KIRREL3: variants seen among roughly 807,000 people sequenced by gnomAD.
The protein encoded by KIRREL3 is kin of IRRE-like protein 3.
A neutral mutation model predicts 89.7 loss-of-function variants in KIRREL3; 36 were observed. The ratio of observed to expected loss-of-function variants is 0.40; its 90% CI spans 0.31 to 0.53. The LOEUF is 0.53. Among genes scored for constraint, KIRREL3 ranks in the 20% least tolerant of loss-of-function variants. KIRREL3 has a pLI of 0.49. For synonymous variants in KIRREL3, 445 were observed against 441.4 expected, an observed-to-expected ratio of 1.01 and a Z score of -0.10; for missense variants, 864 against 1,056.6, an observed-to-expected ratio of 0.82 and a Z score of 2.53.
Position 126,906,185 on chromosome 11 carries a change from TC to T in KIRREL3, c.55+94269del, listed in dbSNP as rs1406514655. On this transcript the variant is annotated intron_variant, in intron 1 of 16. Coordinates refer to ENST00000525144, the MANE Select transcript of KIRREL3 (RefSeq NM_032531.4). This position sits in a 1 kb window ranked among gnomAD's most constrained non-coding sequence, Gnocchi z 4.1. ...CTCTTTTCTCTCTGTACACTCCAGCTCCCTGGAAGACTTTCTGACAGCTCCC... is the reference window on the plus strand; with the variant it reads ...CTCTTTTCTCTCTGTACACTCCAGCTCCTGGAAGACTTTCTGACAGCTCCC... 6.6e-6 allele frequency among the ~76,000 whole-genome samples: 1 copy of T among 152,144 alleles called. No individual in the cohort carries two copies. The highest frequency in any genetic ancestry group is 2.4e-5 in the African/African-American group (1 of 41,424).
chr11:126,646,033 C>T lies in KIRREL3; in HGVS notation c.56-83121G>A, dbSNP rs776215665. Reference sequence around the variant, plus strand: ...ATTCTTCATGAGTTACCACCAGAGACGTTTTCATGAGCCTCTTTTATTAAA... The same window carrying T: ...ATTCTTCATGAGTTACCACCAGAGATGTTTTCATGAGCCTCTTTTATTAAA... On this transcript the variant is annotated intron_variant, in intron 1 of 16. Coordinates refer to ENST00000525144, the MANE Select transcript of KIRREL3 (RefSeq NM_032531.4). Among the ~76,000 whole-genome samples the T allele has an allele frequency of 5.9e-5, 9 of 152,148 alleles. No individual in the cohort carries two copies. In the South Asian group the frequency reaches 6.2e-4, roughly 11 times the overall value.
At chr11:126,545,856 C>T (rs1938775410) in intron 2 of KIRREL3, among the ~76,000 whole-genome samples, 1 of 152,170 alleles carries the variant, frequency 6.6e-6, no homozygotes, top group South Asian at 2.1e-4. Context: ...GGCAGGGCCC[C>T]CACTGGCGCT....
At chr11:126,865,608 A>T (rs186099924) in intron 1 of KIRREL3, among the ~76,000 whole-genome samples, 30 of 152,354 alleles carry the variant, frequency 2.0e-4, no homozygotes, top group Non-Finnish European at 1.0e-4. Flanking sequence ...TGATGCTCAC[A>T]AGGAAGAGTT....
rs367963236 is a variant in KIRREL3, at chr11:126,424,687, C to T, written c.2230G>A (p.Asp744Asn). 7 of 1,613,904 alleles carry T rather than the reference C, an allele frequency of 4.3e-6. No individual in the cohort carries two copies. Among genetic ancestry groups the T allele is most frequent in the African/African-American group, 2.7e-5 (2 of 74,936 alleles). The part of the protein sequence containing the change: ...SGKQDGYVQF[D>N]KASKASASSS... ...GAAGCAGAAGCCTTGCTGGCCTTGT[C>T]GAACTGCACATAGCCATCCTGCTTG... The change falls in exon 17 of 17, where the codon GAC (aspartate) becomes AAC (asparagine). Residue 744 changes from aspartate to asparagine, a missense_variant. Asp to Asn is a conservative substitution (Grantham distance 23). Transcript: ENST00000525144.
chr11:126,734,909 T>C lies in KIRREL3; in HGVS notation c.56-171997A>G, dbSNP rs1378480180. ...AATTGTGGCAGGATGGGGTTTGTGG[T>C]TGGAACGGTGCTGTCTTCTGGTCCA... On this transcript the variant is annotated intron_variant, in intron 1 of 16. Coordinates refer to ENST00000525144, the MANE Select transcript of KIRREL3 (RefSeq NM_032531.4). The surrounding 1 kb of genome is among the most constrained non-coding windows in gnomAD (Gnocchi z 5.9). Among the ~76,000 whole-genome samples, 1 of 152,062 alleles carries C rather than the reference T, an allele frequency of 6.6e-6. No homozygotes were observed. Among genetic ancestry groups the C allele is most frequent in the East Asian group, 1.9e-4 (1 of 5,172 alleles).
rs2135153821 is a variant in KIRREL3 at position 126,697,775 on chromosome 11, T to G, written c.56-134863A>C. 6.6e-6 allele frequency among the ~76,000 whole-genome samples: 1 copy of G among 152,312 alleles called. No individual in the cohort carries two copies. Among genetic ancestry groups the G allele is most frequent in the East Asian group, 1.9e-4 (1 of 5,182 alleles). On this transcript the variant is annotated intron_variant, in intron 1 of 16. Transcript: ENST00000525144. This position sits in a 1 kb window ranked among gnomAD's most constrained non-coding sequence, Gnocchi z 4.2. Reference sequence around the variant, plus strand: ...GGGTCCCATGATTGCTCTGATCACCTCCCTATTATTGGATATTAATCAAGT... The same window carrying G: ...GGGTCCCATGATTGCTCTGATCACCGCCCTATTATTGGATATTAATCAAGT...
At chr11:126,790,461 G>T (rs144061583) in intron 1 of KIRREL3, among the ~76,000 whole-genome samples, 1,711 of 152,176 alleles carry the variant, frequency 0.011, 28 homozygotes, top group African/African-American at 0.038. Context: ...TCTATAAAAT[G>T]GGACCAGTAA....
chr11:126,542,468 A>G (rs188513880), intron 2 of KIRREL3, among the ~76,000 whole-genome samples: 34 of 152,304 alleles, frequency 2.2e-4, no homozygotes, highest in African/African-American at 7.5e-4. Context: ...ATGCATTTTG[A>G]TATTCACATT....
chr11:126,839,052 T>G (rs567396599), intron 1 of KIRREL3, among the ~76,000 whole-genome samples: 1 of 152,234 alleles, frequency 6.6e-6, no homozygotes, highest in African/African-American at 2.4e-5. Context: ...TCTGTACGGG[T>G]CAGGGTGAAG....
In KIRREL3 at chr11:126,436,879, G is replaced by A; in HGVS notation, c.1484C>T (p.Thr495Ile). 6.2e-7 allele frequency: 1 copy of A among 1,613,726 alleles called. No individual in the cohort carries two copies. The highest frequency in any genetic ancestry group is 8.5e-7 in the Non-Finnish European group (1 of 1,179,868). The change falls in exon 12 of 17, where the codon ACC becomes ATC. Residue 495 changes from threonine (T) to isoleucine (I), a missense_variant. By Grantham distance (89) the Thr-to-Ile change is moderately conservative (BLOSUM62 -1). Transcript: ENST00000525144. Reference protein sequence around the residue: ...ISNIVRADFQTIYNCTAWNSF... With the variant: ...ISNIVRADFQIIYNCTAWNSF... Reference sequence around the variant, plus strand: ...GTTCCAGGCCGTGCAGTTGTAGATGGTCTGGAAGTCGGCCCGCACGATGTT... The same window carrying A: ...GTTCCAGGCCGTGCAGTTGTAGATGATCTGGAAGTCGGCCCGCACGATGTT...
chr11:126,705,286 A>G lies in KIRREL3; in HGVS notation c.56-142374T>C, dbSNP rs1447353076. On this transcript the variant is annotated intron_variant, in intron 1 of 16. Coordinates refer to ENST00000525144, the MANE Select transcript of KIRREL3 (RefSeq NM_032531.4). The surrounding 1 kb of genome is among the most constrained non-coding windows in gnomAD (Gnocchi z 4.3). ...CTCATGTTGAAATGTGATCCCCAGT[A>G]TTGAAGGTGGGGCCTGGTGGGAGGT... 6.6e-6 allele frequency among the ~76,000 whole-genome samples: 1 copy of G among 152,112 alleles called. No homozygotes were observed. The highest frequency in any genetic ancestry group is 6.5e-5 in the Admixed American group (1 of 15,282).
chr11:126,931,247 AC>A lies in KIRREL3; in HGVS notation c.55+69207del, dbSNP rs1219303085. Among the ~76,000 whole-genome samples, 1 of 152,152 alleles carries A rather than the reference AC, an allele frequency of 6.6e-6. No individual in the cohort carries two copies. The highest frequency in any genetic ancestry group is 1.5e-5 in the Non-Finnish European group (1 of 68,024). ...CTTGGACACTGTTGTTATCTCCAGA[AC>A]CTATCGCAGTGTCTGGCACATAGGA... On this transcript the variant is annotated intron_variant, in intron 1 of 16. Transcript: ENST00000525144. This position sits in a 1 kb window ranked among gnomAD's most constrained non-coding sequence, Gnocchi z 5.1.
At position 126,627,523 on chromosome 11, in the gene KIRREL3, C is replaced by T. The variant is rs1454870275; in HGVS notation, c.56-64611G>A. On this transcript the variant is annotated intron_variant, in intron 1 of 16. Transcript: ENST00000525144. The surrounding 1 kb of genome is among the most constrained non-coding windows in gnomAD (Gnocchi z 5.0). ...AATTAAGAATGTCATAGCAGCCTCC[C>T]TGGCTCCATGGTGACTGACGCTGCC... Among the ~76,000 whole-genome samples the T allele has an allele frequency of 1.3e-5, 2 of 152,242 alleles. No homozygotes were observed. The highest frequency in any genetic ancestry group is 2.9e-5 in the Non-Finnish European group (2 of 68,046).
At chr11:126,543,269 C>A (rs1053445242) in intron 2 of KIRREL3, among the ~76,000 whole-genome samples, 4 of 152,072 alleles carry the variant, frequency 2.6e-5, no homozygotes, top group Non-Finnish European at 5.9e-5. Context: ...TGCTGGAAGC[C>A]CCTTGAAAGG....
chr11:126,630,011 T>G (rs1354774084), intron 1 of KIRREL3, among the ~76,000 whole-genome samples: 1 of 152,218 alleles, frequency 6.6e-6, no homozygotes, highest in Non-Finnish European at 1.5e-5. Flanking sequence ...TCACCTGTTC[T>G]TTTCCAGACT....
intron 10 of KIRREL3, among the ~76,000 whole-genome samples, chr11:126,444,633 C>A (rs562577671): frequency 1.3e-5 from 2 of 152,288 alleles, no homozygotes; most frequent in East Asian, 3.9e-4. Context: ...CGGGCCAAGG[C>A]CATGGTGAGT....
chr11:126,590,820 G>A (rs1216356708), intron 1 of KIRREL3, among the ~76,000 whole-genome samples: 1 of 151,990 alleles, frequency 6.6e-6, no homozygotes, highest in Non-Finnish European at 1.5e-5. Context: ...CCACTCCCTC[G>A]CTGGCCATCC....
intron 7 of KIRREL3, 126 bp downstream of exon 7, chr11:126,456,223 C>T (rs1343170461): frequency 1.1e-5 from 7 of 645,132 alleles, no homozygotes; most frequent in Admixed American, 7.4e-5. Context: ...AAGAAGGCTA[C>T]TGGACACGCG....
rs1944567631 is a variant in KIRREL3, at chr11:126,643,977, G to A, written c.56-81065C>T. 6.6e-6 allele frequency among the ~76,000 whole-genome samples: 1 copy of A among 152,176 alleles called. No homozygotes were observed. Among genetic ancestry groups the A allele is most frequent in the Admixed American group, 6.5e-5 (1 of 15,278 alleles). On this transcript the variant is annotated intron_variant, in intron 1 of 16. Coordinates refer to ENST00000525144, the MANE Select transcript of KIRREL3 (RefSeq NM_032531.4). This position sits in a 1 kb window ranked among gnomAD's most constrained non-coding sequence, Gnocchi z 4.5. ...AAGCTATGTGCTAGATGGAGAGTTA[G>A]GGACCTTGTAGGAAACCACGTGCAG... is the stretch of plus-strand genomic sequence containing the variant.
Sources: gnomAD v4.1 joint callset for allele counts (sites outside exome capture counted in the v4.1 genomes callset) on GRCh38, gnomAD v4.1.1 for gene constraint, Gnocchi (gnomAD v3.1) non-coding constraint, MANE v1.5 for transcripts, NCBI Gene and HGNC (gene_info 2026-07-23, HGNC 2026-07-21) for gene names.